Variants in BLM observed in about 807,000 individuals in gnomAD.
BLM encodes the protein recQ-like DNA helicase BLM.
In BLM, 95 loss-of-function variants were observed where a neutral mutation model predicts 135.3. That is an observed-to-expected ratio of 0.70 (90% CI 0.59 to 0.83). The LOEUF is 0.83. Ranked by LOEUF, BLM falls within the 40% of genes least tolerant of loss-of-function variation. The pLI, the probability that BLM is intolerant of heterozygous loss-of-function variation, is 0.00. For missense variants in BLM, 1,518 were observed against 1,663.9 expected, an observed-to-expected ratio of 0.91 and a Z score of 1.53; for synonymous variants, 520 against 589.2, an observed-to-expected ratio of 0.88 and a Z score of 1.70.
intron 4 of BLM, 141 bp downstream of exon 4, chr15:90,752,087 A>G (rs1454870780): frequency 3.6e-6 from 3 of 826,488 alleles, no homozygotes; most frequent in Non-Finnish European, 5.5e-6. Context: ...GCCTCAAAAA[A>G]AAACCCTGTT....
At chr15:90,756,349 C>T (rs768210927) in intron 5 of BLM, among the ~76,000 whole-genome samples, 8 of 152,014 alleles carry the variant, frequency 5.3e-5, no homozygotes, top group Non-Finnish European at 8.8e-5. Context: ...GTGATCCGCC[C>T]ACCTCGGCCC....
intron 1 of BLM, among the ~76,000 whole-genome samples, chr15:90,723,599 A>G (rs148818594): frequency 2.3e-4 from 35 of 152,198 alleles, no homozygotes; most frequent in African/African-American, 8.2e-4. Flanking sequence ...GCTGCAGTGA[A>G]CTATGATTGT....
chr15:90,720,486 C>G (rs1031835514), intron 1 of BLM, among the ~76,000 whole-genome samples: 1 of 152,174 alleles, frequency 6.6e-6, no homozygotes, highest in African/African-American at 2.4e-5. Context: ...TCCATGAGTC[C>G]TTTCCAAATT....
At chr15:90,778,684 A>G (rs969373583) in intron 12 of BLM, among the ~76,000 whole-genome samples, 3 of 152,216 alleles carry the variant, frequency 2.0e-5, no homozygotes, top group Admixed American at 6.5e-5. Context: ...TTATTGGTGA[A>G]TAATATTCCA....
At chr15:90,779,101 G>A (rs1216114072) in intron 12 of BLM, among the ~76,000 whole-genome samples, 1 of 152,010 alleles carries the variant, frequency 6.6e-6, no homozygotes, top group Non-Finnish European at 1.5e-5. Context: ...TGGCCAGGCT[G>A]GTCTTGAACT....
chr15:90,809,195 A>G lies in BLM; in HGVS notation c.3810A>G (p.Lys1270=), dbSNP rs764486814. The change falls in exon 20 of 22, where the codon AAA becomes AAG. Residue 1270 remains lysine, a synonymous_variant. Transcript: ENST00000355112. ...AAATTGATGGTGTTACTGAAGACAA[A>G]CTGGAAAAATATGGTGCGGAAGTGA... The part of the protein sequence containing the change: ...LLQIDGVTED[K]LEKYGAEVIS... The G allele has an allele frequency of 1.5e-5, 24 of 1,614,180 alleles. No homozygotes were observed. Among genetic ancestry groups the G allele is most frequent in the Non-Finnish European group, 2.0e-5 (24 of 1,180,024 alleles).
rs1370764537 is a variant in BLM, at chr15:90,815,229, C to G, written c.4204C>G (p.Pro1402Ala). Residue 1402 changes from proline to alanine, a missense_variant, in exon 22 of 22, where the codon CCG becomes GCG. Physicochemically the swap from Pro to Ala is conservative, Grantham distance 27. This residue lies in a region of BLM where 153 missense variants were observed against 173.4 expected (regional missense o/e 0.88). Transcript: ENST00000355112. The surrounding 1 kb of genome is among the most constrained non-coding windows in gnomAD (Gnocchi z 4.6). ...ANSKLGIMAP[P>A]KPINRPFLKP... ...TAGCAAATTGGGGATTATGGCTCCA[C>G]CGAAGCCTATAAATAGACCGTTTCT... 2 of 1,614,078 alleles carry G rather than the reference C, an allele frequency of 1.2e-6. No homozygotes were observed. Among genetic ancestry groups the G allele is most frequent in the Non-Finnish European group, 1.7e-6 (2 of 1,180,036 alleles).
chr15:90,755,347 G>C (rs1473008319), intron 5 of BLM: 1 of 203,450 alleles, frequency 4.9e-6, no homozygotes, highest in East Asian at 1.5e-4. Context: ...AATATTATTA[G>C]GTCTTTTAAC....
intron 1 of BLM, among the ~76,000 whole-genome samples, chr15:90,721,176 T>A (rs950364897): frequency 1.3e-5 from 2 of 152,180 alleles, no homozygotes; most frequent in African/African-American, 4.8e-5. Flanking sequence ...ATTAGAAAAA[T>A]TTCACAATTT....
chr15:90,727,280 C>T (rs564085360), intron 1 of BLM, among the ~76,000 whole-genome samples: 8 of 152,202 alleles, frequency 5.3e-5, no homozygotes, highest in African/African-American at 1.9e-4. Flanking sequence ...TCCTAAAGTG[C>T]TAGGATTCAA....
At chr15:90,749,232 A>G in intron 2 of BLM, 135 bp from the exon 3 acceptor site, 1 of 653,948 alleles carries the variant, frequency 1.5e-6, no homozygotes, top group Non-Finnish European at 2.6e-6. Flanking sequence ...TTTAAAATCG[A>G]GAGAGATGGA....
intron 1 of BLM, among the ~76,000 whole-genome samples, chr15:90,718,367 C>G (rs1014897564): frequency 2.6e-5 from 4 of 152,222 alleles, no homozygotes; most frequent in Admixed American, 2.0e-4. Flanking sequence ...CTATAGCCCT[C>G]ACCTGTCCTT....
chr15:90,747,237 C>CAAAAAAAAAAAAAAAAAAAAAAAAAAA (rs59331923), intron 1 of BLM, among the ~76,000 whole-genome samples, 152 bp from the exon 2 acceptor site: 1 of 39,254 alleles, frequency 2.5e-5, no homozygotes, highest in African/African-American at 9.5e-5. Flanking sequence ...GTCTATTGAC[C>CAAAAAAAAAAAAAAAAAAAAAAAAAAA]AAAAAAAAAA....
At chr15:90,724,349 A>G (rs1364274611) in intron 1 of BLM, among the ~76,000 whole-genome samples, 1 of 152,116 alleles carries the variant, frequency 6.6e-6, no homozygotes, top group East Asian at 1.9e-4. Context: ...ATTTCATTCT[A>G]TGCGTATACC....
chr15:90,769,321 A>G (rs1896231005), intron 11 of BLM, 90 bp downstream of exon 11: 1 of 1,538,596 alleles, frequency 6.5e-7, no homozygotes, highest in Admixed American at 1.7e-5. Flanking sequence ...ACACTGAGTG[A>G]ACGAGTCTCC....
chr15:90,811,385 C>T lies in BLM; in HGVS notation c.4055C>T (p.Ser1352Phe), dbSNP rs1596273746. The T allele has an allele frequency of 1.2e-6, 2 of 1,614,124 alleles. No homozygotes were observed. The highest frequency in any genetic ancestry group is 1.3e-5 in the African/African-American group (1 of 75,024). ...SQRSKRRKTA[S>F]SGSKAKGGSA... ...AGGTCTAAGAGGAGAAAAACTGCTT[C>T]CAGTGGTTCCAAGGCAAAGGGGTAT... The change falls in exon 21 of 22, where the codon TCC becomes TTC. Residue 1352 changes from serine (S) to phenylalanine (F), a missense_variant. By Grantham distance (155) the Ser-to-Phe change is radical. Around this residue, in one of 5 missense-constraint regions of BLM, gnomAD observed 153 missense variants for 173.4 expected, o/e 0.88. Coordinates refer to ENST00000355112, the MANE Select transcript of BLM (RefSeq NM_000057.4).
intron 1 of BLM, among the ~76,000 whole-genome samples, chr15:90,743,501 C>G (rs1895422633): frequency 6.6e-6 from 1 of 151,744 alleles, no homozygotes; most frequent in African/African-American, 2.4e-5. Flanking sequence ...TAATTTTTCT[C>G]CTTTATCACT....
intron 10 of BLM, among the ~76,000 whole-genome samples, chr15:90,768,911 A>G (rs936133380): frequency 6.6e-6 from 1 of 152,124 alleles, no homozygotes; most frequent in African/African-American, 2.4e-5. Flanking sequence ...TTTTTAGTAA[A>G]GGTGGGGTTT....
rs55748449 is a variant in BLM at position 90,762,579 on chromosome 15, T to G, written c.1883-387T>G. ...GGACTAGGAAAGCTCCAAAAAAGAATGTCTACAGAGCCCAGTCCCAAATAT... is the reference window on the plus strand; with the variant it reads ...GGACTAGGAAAGCTCCAAAAAAGAAGGTCTACAGAGCCCAGTCCCAAATAT... On this transcript the variant is annotated intron_variant, in intron 7 of 21. Coordinates refer to ENST00000355112, the MANE Select transcript of BLM (RefSeq NM_000057.4). Among the ~76,000 whole-genome samples the G allele has an allele frequency of 2.0e-5, 3 of 152,110 alleles. No homozygotes were observed. In the East Asian group the frequency reaches 5.8e-4, roughly 29 times the overall value.
Sources: allele counts gnomAD v4.1 joint callset (sites outside exome capture counted in the v4.1 genomes callset), GRCh38; gene constraint gnomAD v4.1.1; regional missense constraint gnomAD v4.1.1; non-coding constraint Gnocchi (gnomAD v3.1); transcripts MANE v1.5; gene names NCBI Gene and HGNC (gene_info 2026-07-23, HGNC 2026-07-21).